Variants in SEMA6D observed in about 807,000 individuals in gnomAD.
SEMA6D encodes semaphorin-6D.
A neutral mutation model predicts 106.6 loss-of-function variants in SEMA6D; 35 were observed. That is an observed-to-expected ratio of 0.33 (90% confidence interval 0.25 to 0.44). SEMA6D has a LOEUF of 0.44. SEMA6D is among the 20% of genes least tolerant of loss of function. The probability of loss-of-function intolerance (pLI) is 1.00; values close to 1 mark genes in which losing one functional copy is unlikely to be tolerated. For missense variants in SEMA6D, 1,185 were observed against 1,345.9 expected (o/e 0.88, Z 1.87); for synonymous variants, 499 against 487.7 (o/e 1.02, Z -0.31).
intron 1 of SEMA6D, among the ~76,000 whole-genome samples, chr15:47,366,520 C>T (rs186212326): frequency 1.4e-4 from 21 of 152,070 alleles, no homozygotes; most frequent in African/African-American, 4.8e-4. Flanking sequence ...CACTGCAGGC[C>T]CTAAGACTAT....
chr15:47,713,882 A>T, upstream of SEMA6D, among the ~76,000 whole-genome samples: 1 of 152,154 alleles, frequency 6.6e-6, no homozygotes, highest in Non-Finnish European at 1.5e-5. Context: ...ATTTAATGTG[A>T]GGTTGGATTA....
chr15:47,389,445 A>C (rs943555315), intron 1 of SEMA6D, among the ~76,000 whole-genome samples: 1 of 152,100 alleles, frequency 6.6e-6, no homozygotes, highest in African/African-American at 2.4e-5. Flanking sequence ...AAAAGACATC[A>C]CTGAAATGCT....
intron 3 of SEMA6D, among the ~76,000 whole-genome samples, chr15:47,544,675 A>G (rs1345905850): frequency 6.6e-6 from 1 of 152,000 alleles, no homozygotes; most frequent in East Asian, 1.9e-4. Flanking sequence ...CTTCTGGAAT[A>G]TGAAGGACTT....
chr15:47,478,831 TG>T (rs2043070241), intron 3 of SEMA6D, among the ~76,000 whole-genome samples: 1 of 152,128 alleles, frequency 6.6e-6, no homozygotes, highest in African/African-American at 2.4e-5. Flanking sequence ...TCCACATGGC[TG>T]GGGAGTCCTT....
At chr15:47,276,735 A>T (rs1432395304) in intron 1 of SEMA6D, among the ~76,000 whole-genome samples, 3 of 152,202 alleles carry the variant, frequency 2.0e-5, no homozygotes, top group Admixed American at 1.3e-4. Flanking sequence ...CAAAACATTC[A>T]TTCTGTGGCC....
rs547188128 is a variant in SEMA6D, at chr15:47,661,877, T to C, written c.-55+60981T>C. Reference sequence around the variant, plus strand: ...TATTCAAACACTCTTATTGTCCCAATTGGAGAATCAGCCTAGATATCTTGC... The same window carrying C: ...TATTCAAACACTCTTATTGTCCCAACTGGAGAATCAGCCTAGATATCTTGC... On this transcript the variant is annotated intron_variant, in intron 4 of 19. Coordinates refer to the SEMA6D transcript ENST00000558014. 5.3e-5 allele frequency among the ~76,000 whole-genome samples: 8 copies of C among 152,342 alleles called. No homozygotes were observed. In the East Asian group the frequency reaches 9.6e-4, roughly 18 times the overall value.
intron 1 of SEMA6D, among the ~76,000 whole-genome samples, chr15:47,221,446 A>G (rs2031199607): frequency 6.6e-6 from 1 of 152,126 alleles, no homozygotes; most frequent in African/African-American, 2.4e-5. Flanking sequence ...ACTTCTTTAA[A>G]CAGTTCCTTC....
In SEMA6D at chr15:47,753,976, A is replaced by G. The variant is rs940916688; in HGVS notation, c.-54-5769A>G. 2.6e-5 allele frequency among the ~76,000 whole-genome samples: 4 copies of G among 152,142 alleles called. No homozygotes were observed. In the East Asian group the frequency reaches 7.7e-4, roughly 29 times the overall value. ...TTTGGGCTAGCGATAAAGTAGGTCT[A>G]CCCCATTTCTACATTCTAATTTCCT... On this transcript the variant is annotated intron_variant, in intron 1 of 18. Transcript: ENST00000536845.
intron 3 of SEMA6D, among the ~76,000 whole-genome samples, chr15:47,502,647 C>T (rs564707535): frequency 6.6e-6 from 1 of 152,256 alleles, no homozygotes; most frequent in African/African-American, 2.4e-5. Flanking sequence ...AAAGATGGCT[C>T]CCTTCTATTC....
At chr15:47,241,265 T>A (rs984832869) in intron 1 of SEMA6D, 1 of 152,252 alleles carries the variant, frequency 6.6e-6, no homozygotes, top group Admixed American at 6.5e-5. Context: ...CCACGGAGTG[T>A]TAAACTTGGG....
intron 4 of SEMA6D, among the ~76,000 whole-genome samples, chr15:47,661,085 A>G (rs1382936726): frequency 6.6e-6 from 1 of 152,236 alleles, no homozygotes; most frequent in Non-Finnish European, 1.5e-5. Flanking sequence ...TCAACTTTAG[A>G]TACCACCTTG....
At chr15:47,591,775 A>C (rs1427576021) in intron 3 of SEMA6D, among the ~76,000 whole-genome samples, 1 of 152,220 alleles carries the variant, frequency 6.6e-6, no homozygotes, top group African/African-American at 2.4e-5. Context: ...TGAGTACAGC[A>C]GCTTCAGGAT....
At chr15:47,418,472 T>C (rs1362781615) in intron 2 of SEMA6D, among the ~76,000 whole-genome samples, 2 of 152,114 alleles carry the variant, frequency 1.3e-5, no homozygotes, top group Admixed American at 6.6e-5. Context: ...TTCTTGTTCA[T>C]AGGCCGAGCC....
intron 2 of SEMA6D, among the ~76,000 whole-genome samples, chr15:47,452,239 G>A (rs1159968532): frequency 6.6e-6 from 1 of 151,432 alleles, no homozygotes; most frequent in East Asian, 1.9e-4. Flanking sequence ...TGTTCAAGGA[G>A]CTCTTCAGTG....
chr15:47,509,867 A>G (rs1358136528), intron 3 of SEMA6D, among the ~76,000 whole-genome samples: 2 of 152,186 alleles, frequency 1.3e-5, no homozygotes, highest in Non-Finnish European at 2.9e-5. Context: ...GAGCTCTGCC[A>G]TATGTACTCT....
intron 1 of SEMA6D, among the ~76,000 whole-genome samples, chr15:47,225,687 C>T (rs1288005892): frequency 6.6e-6 from 1 of 151,750 alleles, no homozygotes; most frequent in Non-Finnish European, 1.5e-5. Flanking sequence ...CGCCACCAAG[C>T]CCGGCTAATT....
At chr15:47,449,811 A>T (rs2140911507) in intron 2 of SEMA6D, among the ~76,000 whole-genome samples, 1 of 152,252 alleles carries the variant, frequency 6.6e-6, no homozygotes, top group Non-Finnish European at 1.5e-5. Flanking sequence ...AAGAGTTATT[A>T]TAAAGCTCTT....
At chr15:47,642,997 A>G (rs1022381315) in intron 4 of SEMA6D, among the ~76,000 whole-genome samples, 2 of 152,018 alleles carry the variant, frequency 1.3e-5, no homozygotes, top group African/African-American at 4.8e-5. Context: ...AGATGGAAAT[A>G]GGGAGAGAGA....
intron 1 of SEMA6D, among the ~76,000 whole-genome samples, chr15:47,398,882 G>A (rs185017176): frequency 2.0e-3 from 304 of 152,222 alleles, no homozygotes; most frequent in African/African-American, 7.2e-3. Flanking sequence ...AAGGAACACC[G>A]GCTCAGGAGC....
Sources: gnomAD v4.1 joint callset for allele counts (sites outside exome capture counted in the v4.1 genomes callset) on GRCh38, gnomAD v4.1.1 for gene constraint, MANE v1.5 for transcripts, NCBI Gene and HGNC (gene_info 2026-07-23, HGNC 2026-07-21) for gene names.